Variants in PCDHGB2 observed in about 807,000 individuals in gnomAD.
PCDHGB2 encodes the protein protocadherin gamma-B2.
In PCDHGB2, 55 loss-of-function variants were observed where a neutral mutation model predicts 59.3. The ratio of observed to expected loss-of-function variants is 0.93; its 90% confidence interval spans 0.75 to 1.16. The LOEUF (loss-of-function observed/expected upper bound fraction) is 1.16. PCDHGB2 is among the 50% of genes most tolerant of loss of function. The pLI is 0.00. For missense variants in PCDHGB2, 1,228 were observed against 1,198.5 expected (o/e 1.02, Z -0.36); for synonymous variants, 516 against 512.0 (o/e 1.01, Z -0.11).
chr5:141,422,117 C>A, intron 1 of PCDHGB2: 1 of 1,604,272 alleles, frequency 6.2e-7, no homozygotes, highest in East Asian at 2.2e-5. Context: ...CAATTGGATT[C>A]ACAAACTGGA....
At chr5:141,463,955 A>G (rs2154568299) in intron 1 of PCDHGB2, among the ~76,000 whole-genome samples, 1 of 152,288 alleles carries the variant, frequency 6.6e-6, no homozygotes, top group Middle Eastern at 3.4e-3. Flanking sequence ...CTTCATTTTT[A>G]AAATAGCTTC....
At position 141,499,689 on chromosome 5, in the gene PCDHGB2, C is replaced by CTT. The variant is rs545067566; in HGVS notation, c.2480+4845_2480+4846dup. 4.8e-3 allele frequency among the ~76,000 whole-genome samples: 577 copies of CTT among 119,808 alleles called. 2 individuals carry two copies. Among genetic ancestry groups the CTT allele is most frequent in the Non-Finnish European group, 6.7e-3 (386 of 57,912 alleles). 78.6% of individuals were successfully genotyped at this position (119,808 alleles called of 152,430 possible). A position where few individuals can be genotyped will look rare whatever the true frequency, so the allele number is the denominator to read the frequency against. On this transcript the variant is annotated intron_variant, in intron 2 of 3. Coordinates refer to ENST00000522605, the MANE Select transcript of PCDHGB2 (RefSeq NM_018923.3). ...GGTCTCCACCATCTTTAACAGATGA[C>CTT]TTTTTTTTTTTTTTTTTTTTTTGGA...
At position 141,361,017 on chromosome 5, in the gene PCDHGB2, A is replaced by G. The variant is rs767981942; in HGVS notation, c.882A>G (p.Leu294=). 1.9e-6 allele frequency: 3 copies of G among 1,613,324 alleles called. No individual in the cohort carries two copies. The Admixed American group carries it at 5.0e-5, about 27-fold the overall frequency. Residue 294 remains leucine, a synonymous_variant, in exon 1 of 4, where the codon TTA becomes TTG. Transcript: ENST00000522605. ...VDEQVKHFFN[L]NEKTGEITTK... ...AACAAGTGAAACACTTTTTCAACTTAAATGAAAAAACAGGAGAAATCACGA... is the reference window on the plus strand; with the variant it reads ...AACAAGTGAAACACTTTTTCAACTTGAATGAAAAAACAGGAGAAATCACGA...
intron 1 of PCDHGB2, among the ~76,000 whole-genome samples, chr5:141,434,605 T>C (rs1448149059): frequency 6.6e-6 from 1 of 152,198 alleles, no homozygotes; most frequent in Non-Finnish European, 1.5e-5. Context: ...ATCCCTTTAT[T>C]TCCGCCCATC....
At chr5:141,380,054 C>T (rs1441784259) in intron 1 of PCDHGB2, among the ~76,000 whole-genome samples, 1 of 151,916 alleles carries the variant, frequency 6.6e-6, no homozygotes, top group South Asian at 2.1e-4. Flanking sequence ...TGCATGCCAC[C>T]ATGCCTAGCT....
intron 3 of PCDHGB2, among the ~76,000 whole-genome samples, chr5:141,509,808 G>A (rs905531504): frequency 3.9e-5 from 6 of 152,028 alleles, no homozygotes; most frequent in Non-Finnish European, 7.4e-5. Context: ...TCATAGAGCC[G>A]AGCTCTTCTC....
intron 1 of PCDHGB2, chr5:141,366,746 G>A (rs750528287): frequency 1.9e-6 from 3 of 1,609,646 alleles, no homozygotes; most frequent in Non-Finnish European, 2.5e-6. Flanking sequence ...AGAACGGCGA[G>A]TTCAGGTTAG....
intron 2 of PCDHGB2, among the ~76,000 whole-genome samples, chr5:141,497,879 G>T (rs62379207): frequency 2.0e-5 from 3 of 152,128 alleles, no homozygotes; most frequent in Admixed American, 6.5e-5. Flanking sequence ...TGAAATAAGC[G>T]TTAGGATCTA....
intron 1 of PCDHGB2, among the ~76,000 whole-genome samples, chr5:141,467,954 C>T (rs1467826790): frequency 1.3e-5 from 2 of 152,070 alleles, no homozygotes; most frequent in Admixed American, 6.6e-5. Flanking sequence ...CCACCACACC[C>T]GGCTGCCAGA....
chr5:141,483,436 C>T, intron 1 of PCDHGB2, among the ~76,000 whole-genome samples: 1 of 152,198 alleles, frequency 6.6e-6, no homozygotes, highest in Non-Finnish European at 1.5e-5. Context: ...GAGCTGACTA[C>T]AATAAAATCA....
chr5:141,430,580 G>A, intron 1 of PCDHGB2: 1 of 478,526 alleles, frequency 2.1e-6, no homozygotes, highest in Admixed American at 3.8e-5. Context: ...CGGAGATCCT[G>A]CTCGCCTTGC....
In PCDHGB2 at chr5:141,486,610, C is replaced by G; in HGVS notation, c.2422-8197C>G. 6.2e-7 allele frequency: 1 copy of G among 1,613,620 alleles called. No homozygotes were observed. The highest frequency in any genetic ancestry group is 8.5e-7 in the Non-Finnish European group (1 of 1,180,038). On this transcript the variant is annotated intron_variant, in intron 1 of 3. Coordinates refer to ENST00000522605, the MANE Select transcript of PCDHGB2 (RefSeq NM_018923.3). This position sits in a 1 kb window ranked among gnomAD's most constrained non-coding sequence, Gnocchi z 5.0. ...GGGACCTGCTTTGCTCCCTTGCAGC[C>G]TCTGACCCAGACTCTGGCTTGAATG...
At position 141,476,043 on chromosome 5, in the gene PCDHGB2, A is replaced by T. The variant is rs2099384502; in HGVS notation, c.2422-18764A>T. 1 of 1,492,156 alleles carries T rather than the reference A, an allele frequency of 6.7e-7. No individual in the cohort carries two copies. Among genetic ancestry groups the T allele is most frequent in the African/African-American group, 1.4e-5 (1 of 71,628 alleles). The allele number at this position is 1,492,156 out of a possible 1,614,324, so 92.4% of individuals were successfully genotyped here. On this transcript the variant is annotated intron_variant, in intron 1 of 3. Coordinates refer to ENST00000522605, the MANE Select transcript of PCDHGB2 (RefSeq NM_018923.3). The surrounding 1 kb of genome is among the most constrained non-coding windows in gnomAD (Gnocchi z 7.6). ...ACTCGGCGCCCAGCGCCCAAGCGCT[A>T]ACCCGCTGAAAGTTTCTCAGCGAAA...
At chr5:141,438,282 T>C (rs915347472) in intron 1 of PCDHGB2, among the ~76,000 whole-genome samples, 1 of 151,630 alleles carries the variant, frequency 6.6e-6, no homozygotes, top group African/African-American at 2.4e-5. Context: ...CAAAATAATT[T>C]AATCTGTATG....
At chr5:141,403,403 C>T in intron 1 of PCDHGB2, 5 of 1,614,066 alleles carry the variant, frequency 3.1e-6, no homozygotes, top group Non-Finnish European at 4.2e-6. Context: ...TCCTGGAGCA[C>T]GTTATCCACT....
intron 1 of PCDHGB2, chr5:141,394,415 C>G: frequency 6.2e-7 from 1 of 1,614,242 alleles, no homozygotes; most frequent in Non-Finnish European, 8.5e-7. Flanking sequence ...TGGTAACAGC[C>G]AGCGACAGCG....
chr5:141,375,059 G>A lies in PCDHGB2; in HGVS notation c.2421+12503G>A. On this transcript the variant is annotated intron_variant, in intron 1 of 3. Transcript: ENST00000522605. ...GGGTGTTGAAGCCCGGGATGGGCCA[G>A]GTCTTCGAGACAGAGCGAAAGTCTT... The A allele has an allele frequency of 2.5e-6, 4 of 1,614,038 alleles. No individual in the cohort carries two copies. The Admixed American group carries it at 6.7e-5, about 27-fold the overall frequency.
intron 1 of PCDHGB2, among the ~76,000 whole-genome samples, chr5:141,446,714 G>T (rs193229261): frequency 2.6e-5 from 4 of 152,044 alleles, no homozygotes; most frequent in African/African-American, 9.7e-5. Flanking sequence ...TGATCTGCCC[G>T]CCTCGGCCTC....
At chr5:141,381,397 A>G (rs1207743426) in intron 1 of PCDHGB2, among the ~76,000 whole-genome samples, 1 of 152,222 alleles carries the variant, frequency 6.6e-6, no homozygotes, top group Admixed American at 6.5e-5. Flanking sequence ...GTTTTACTCT[A>G]TCAACATCAG....
Sources: gnomAD v4.1 joint callset for allele counts (sites outside exome capture counted in the v4.1 genomes callset) on GRCh38, gnomAD v4.1.1 for gene constraint, Gnocchi (gnomAD v3.1) non-coding constraint, MANE v1.5 for transcripts, NCBI Gene and HGNC (gene_info 2026-07-23, HGNC 2026-07-21) for gene names.